RAPGEF6: variants seen among roughly 807,000 people sequenced by gnomAD.
RAPGEF6 encodes PDZ domain containing guanine nucleotide exchange factor (GEF) 2.
A neutral mutation model predicts 171.4 loss-of-function variants in RAPGEF6; 56 were observed. That is an observed-to-expected ratio of 0.33 (90% confidence interval 0.26 to 0.41). The LOEUF is 0.41. Among genes scored for constraint, RAPGEF6 ranks in the 10% least tolerant of loss-of-function variants. RAPGEF6 has a pLI of 1.00. For synonymous variants in RAPGEF6, 692 were observed against 650.1 expected (o/e 1.06, Z -0.98); for missense variants, 1,674 against 1,921.4 (o/e 0.87, Z 2.41).
Position 131,456,557 on chromosome 5 carries a change from G to A in RAPGEF6, c.2865-545C>T, listed in dbSNP as rs984243576. 2.0e-5 allele frequency among the ~76,000 whole-genome samples: 3 copies of A among 152,232 alleles called. No homozygotes were observed. In the South Asian group the frequency reaches 6.2e-4, roughly 32 times the overall value. Reference sequence around the variant, plus strand: ...GATATTCAATGTCTCCCTTCCACAGGATTTTAAATAGGCTCAGATATTCCC... The same window carrying A: ...GATATTCAATGTCTCCCTTCCACAGAATTTTAAATAGGCTCAGATATTCCC... On this transcript the variant is annotated intron_variant, in intron 19 of 27. Transcript: ENST00000509018.
intron 4 of RAPGEF6, among the ~76,000 whole-genome samples, chr5:131,576,567 G>T (rs990634161): frequency 6.6e-6 from 1 of 152,060 alleles, no homozygotes; most frequent in Admixed American, 6.5e-5. Flanking sequence ...CACCGCAAGG[G>T]GCATCAAAGG....
chr5:131,548,511 T>C (rs944299225), intron 5 of RAPGEF6, among the ~76,000 whole-genome samples: 4 of 152,222 alleles, frequency 2.6e-5, no homozygotes, highest in Non-Finnish European at 5.9e-5. Context: ...TGAGTTCCTC[T>C]AATTACAAAC....
intron 6 of RAPGEF6, among the ~76,000 whole-genome samples, chr5:131,547,483 TAA>T (rs1760625517): frequency 1.3e-5 from 2 of 151,470 alleles, no homozygotes; most frequent in South Asian, 4.2e-4. Flanking sequence ...TATTCACAAT[TAA>T]AGACTTTTGA....
chr5:131,484,144 A>C (rs1755701464), intron 15 of RAPGEF6, among the ~76,000 whole-genome samples: 1 of 151,106 alleles, frequency 6.6e-6, no homozygotes, highest in Non-Finnish European at 1.5e-5. Flanking sequence ...CAAAACACAC[A>C]AAAAAGGTGC....
chr5:131,561,489 T>C (rs1761597418), intron 5 of RAPGEF6, among the ~76,000 whole-genome samples: 1 of 151,830 alleles, frequency 6.6e-6, no homozygotes, highest in Non-Finnish European at 1.5e-5. Flanking sequence ...GAAACCCCCA[T>C]GGCTGCTAAA....
chr5:131,446,043 AT>A (rs1039466174), intron 22 of RAPGEF6, among the ~76,000 whole-genome samples: 2 of 151,198 alleles, frequency 1.3e-5, no homozygotes, highest in East Asian at 1.9e-4. Flanking sequence ...AATGTGTCTG[AT>A]TTTTTTTTGT....
At chr5:131,575,327 C>A (rs1762542168) in intron 4 of RAPGEF6, among the ~76,000 whole-genome samples, 1 of 152,150 alleles carries the variant, frequency 6.6e-6, no homozygotes, top group South Asian at 2.1e-4. Flanking sequence ...ATATGGACGA[C>A]CTTCTCCTCT....
chr5:131,533,207 CACA>C (rs1561542226), intron 6 of RAPGEF6, among the ~76,000 whole-genome samples: 5 of 151,378 alleles, frequency 3.3e-5, no homozygotes, highest in African/African-American at 1.2e-4. Flanking sequence ...CACACACACA[CACA>C]CACCCCATCC....
At chr5:131,519,088 T>C (rs1442104113) in intron 7 of RAPGEF6, among the ~76,000 whole-genome samples, 1 of 152,208 alleles carries the variant, frequency 6.6e-6, no homozygotes, top group Non-Finnish European at 1.5e-5. Flanking sequence ...GGAAATATTC[T>C]ACATATTGAT....
intron 4 of RAPGEF6, among the ~76,000 whole-genome samples, chr5:131,572,208 G>A (rs1256358646): frequency 1.3e-5 from 2 of 152,048 alleles, no homozygotes; most frequent in Admixed American, 6.6e-5. Context: ...TCGGGAGACC[G>A]GTCCCCTGTC....
At chr5:131,532,099 A>G in intron 6 of RAPGEF6, 1 of 436,856 alleles carries the variant, frequency 2.3e-6, no homozygotes, top group South Asian at 1.7e-5. Context: ...ACAATTACTT[A>G]CTTTGGAGGC....
chr5:131,466,127 G>A (rs977428523), intron 17 of RAPGEF6, among the ~76,000 whole-genome samples: 6 of 150,832 alleles, frequency 4.0e-5, no homozygotes, highest in Non-Finnish European at 5.9e-5. Flanking sequence ...CTTGCTCTGA[G>A]GACTGAAAGA....
chr5:131,433,329 G>T, intron 25 of RAPGEF6, 101 bp downstream of exon 25: 1 of 919,828 alleles, frequency 1.1e-6, no homozygotes, highest in Non-Finnish European at 1.7e-6. Flanking sequence ...GGATAACTCT[G>T]CAATTACCCC....
intron 22 of RAPGEF6, among the ~76,000 whole-genome samples, chr5:131,445,491 C>CTGTGTGTGTGTGTGTGTGTG (rs1447178128): frequency 2.5e-4 from 20 of 80,830 alleles, no homozygotes; most frequent in African/African-American, 1.7e-3. Context: ...TTAACTCACT[C>CTGTGTGTGTGTGTGTGTGTG]TCTGTGTGTG....
At chr5:131,435,752 T>G in intron 24 of RAPGEF6, 1 of 1,097,274 alleles carries the variant, frequency 9.1e-7, no homozygotes, top group African/African-American at 1.6e-5. Context: ...TAAAGTCAAC[T>G]ACAGAAAACA....
At chr5:131,634,534 T>C (rs1766513001) in intron 1 of RAPGEF6, among the ~76,000 whole-genome samples, 1 of 152,180 alleles carries the variant, frequency 6.6e-6, no homozygotes, top group Non-Finnish European at 1.5e-5. Context: ...AACTTTATCT[T>C]TTTTTTAGGC....
In RAPGEF6 at chr5:131,442,405, G is replaced by A; in HGVS notation, c.3554C>T (p.Pro1185Leu). The A allele has an allele frequency of 6.2e-7, 1 of 1,614,128 alleles. No individual in the cohort carries two copies. The highest frequency in any genetic ancestry group is 8.5e-7 in the Non-Finnish European group (1 of 1,179,992). The change falls in exon 23 of 28, where the codon CCA becomes CTA. Residue 1185 changes from proline to leucine, a missense_variant. Pro to Leu is a moderately conservative substitution (Grantham distance 98). Transcript: ENST00000509018. ...CCTGATGGGGTGCAAATTAACAGCT[G>A]GCACCTGAAGCACCTGGCTTACTCT... The part of the protein sequence containing the change: ...PHRVSQVLQV[P>L]AVNLHPIRKK...
Position 131,504,788 on chromosome 5 carries a change from A to T in RAPGEF6, c.1102-10T>A. On this transcript the variant is annotated splice_polypyrimidine_tract_variant and intron_variant, in intron 10 of 27. Coordinates refer to ENST00000509018, the MANE Select transcript of RAPGEF6 (RefSeq NM_016340.6). ...GGGCTATGCAGACAAACTGTCCAAGAACAACATGGGGACAGTTAATGAACC... is the reference window on the plus strand; with the variant it reads ...GGGCTATGCAGACAAACTGTCCAAGTACAACATGGGGACAGTTAATGAACC... 1 of 1,607,570 alleles carries T rather than the reference A, an allele frequency of 6.2e-7. No homozygotes were observed. The highest frequency in any genetic ancestry group is 8.5e-7 in the Non-Finnish European group (1 of 1,176,784).
At position 131,462,051 on chromosome 5, in the gene RAPGEF6, A is replaced by T; in HGVS notation, c.2518T>A (p.Cys840Ser). ...LKNNMETETL[C>S]SDEDAQELVK... ...AGTTCTTGAGCATCTTCATCTGAAC[A>T]TAAGGTTTCTGTTTCCATGTTATTT... Residue 840 changes from cysteine to serine, a missense_variant, in exon 19 of 28, where the codon TGT becomes AGT. Coordinates refer to ENST00000509018, the MANE Select transcript of RAPGEF6 (RefSeq NM_016340.6). The T allele has an allele frequency of 6.3e-7, 1 of 1,590,292 alleles. No individual in the cohort carries two copies. The highest frequency in any genetic ancestry group is 8.5e-7 in the Non-Finnish European group (1 of 1,169,794).
Sources: gnomAD v4.1 joint callset for allele counts (sites outside exome capture counted in the v4.1 genomes callset) on GRCh38, gnomAD v4.1.1 for gene constraint, MANE v1.5 for transcripts, NCBI Gene and HGNC (gene_info 2026-07-23, HGNC 2026-07-21) for gene names.